The following FCSK variants were observed in gnomAD, a reference collection of about 807,000 sequenced individuals.
FCSK encodes L-fucose kinase.
A neutral mutation model predicts 122.5 loss-of-function variants in FCSK; 123 were observed. The observed-to-expected ratio is 1.00, with a 90% CI of 0.87 to 1.17. The LOEUF is 1.17. Among genes scored for constraint, FCSK ranks in the 50% most tolerant of loss-of-function variants. The pLI, the probability that FCSK is intolerant of heterozygous loss-of-function variation, is 0.00. For synonymous variants in FCSK, 620 were observed against 625.5 expected, an observed-to-expected ratio of 0.99 and a Z score of 0.13; for missense variants, 1,366 against 1,450.4, an observed-to-expected ratio of 0.94 and a Z score of 0.95.
At chr16:70,461,980 C>T (rs1380950970) in intron 1 of FCSK, among the ~76,000 whole-genome samples, 2 of 152,174 alleles carry the variant, frequency 1.3e-5, no homozygotes, top group East Asian at 1.9e-4. Context: ...AGATGCTCTT[C>T]AGTGGGTAAA....
rs774725554 is a variant in FCSK at position 70,468,863 on chromosome 16, C to G, written c.678C>G (p.Val226=). The G allele has an allele frequency of 1.2e-6, 2 of 1,614,078 alleles. No individual in the cohort carries two copies. Among genetic ancestry groups the G allele is most frequent in the Non-Finnish European group, 1.7e-6 (2 of 1,179,988 alleles). The change falls in exon 9 of 24, where the codon GTC becomes GTG. Residue 226 remains valine (V), a synonymous_variant. Coordinates refer to ENST00000288078, the MANE Select transcript of FCSK (RefSeq NM_145059.3). ...DGRVPLVSGV[V]FFSVETAERL... ...GTCCCTTCCAGGTCTCTGGGGTTGT[C>G]TTCTTCTCTGTGGAGACTGCCGAGC... is the stretch of plus-strand genomic sequence containing the variant.
chr16:70,463,779 G>GTGC lies in FCSK; in HGVS notation c.234+7_234+9dup. Reference sequence around the variant, plus strand: ...AGTGCCCGGGCAGGCTTCACTGTGAGTGCTCACCAGGGCCACCTCCCTGGT... The same window carrying GTGC: ...AGTGCCCGGGCAGGCTTCACTGTGAGTGCTGCTCACCAGGGCCACCTCCCTGGT... On this transcript the variant is annotated splice_donor_region_variant and intron_variant, in intron 3 of 23. Transcript: ENST00000288078. The GTGC allele has an allele frequency of 1.2e-6, 2 of 1,604,166 alleles. No homozygotes were observed. The highest frequency in any genetic ancestry group is 2.2e-5 in the South Asian group (2 of 90,116).
chr16:70,463,526 A>G (rs1597608341), intron 2 of FCSK, 97 bp from the exon 3 acceptor site: 1 of 1,499,248 alleles, frequency 6.7e-7, no homozygotes, highest in South Asian at 1.2e-5. Flanking sequence ...AGCTAAGTCA[A>G]GGAAGATCAA....
chr16:70,467,012 G>C, intron 6 of FCSK, 58 bp downstream of exon 6: 1 of 1,519,360 alleles, frequency 6.6e-7, no homozygotes, highest in Non-Finnish European at 9.1e-7. Context: ...CAAGAAGCCA[G>C]CTCTGCCCTT....
At chr16:70,466,438 AT>A in intron 5 of FCSK, 181 bp downstream of exon 5, 1 of 720,406 alleles carries the variant, frequency 1.4e-6, no homozygotes, top group Non-Finnish European at 2.2e-6. Flanking sequence ...CATGCCTATA[AT>A]TTCAGCACTT....
intron 3 of FCSK, among the ~76,000 whole-genome samples, chr16:70,464,699 C>CA (rs774838734): frequency 0.085 from 4,505 of 52,748 alleles, 385 homozygotes; most frequent in African/African-American, 0.17. Flanking sequence ...GACTGCATCT[C>CA]AAAAAAAAAA....
Position 70,475,706 on chromosome 16 carries a change from G to C in FCSK, c.2580G>C (p.Arg860=). Residue 860 remains arginine, a synonymous_variant, in exon 20 of 24, where the codon CGG becomes CGC. Coordinates refer to ENST00000288078, the MANE Select transcript of FCSK (RefSeq NM_145059.3). Reference sequence around the variant, plus strand: ...CTGCCTTGCAGCGAGCCGCAGGCCGGGTGGTGGGCACGGAAGCCCTGATCC... The same window carrying C: ...CTGCCTTGCAGCGAGCCGCAGGCCGCGTGGTGGGCACGGAAGCCCTGATCC... ...ALAALQRAAG[R]VVGTEALIHA... is the part of the protein sequence containing the mutation. 1 of 1,603,092 alleles carries C rather than the reference G, an allele frequency of 6.2e-7. No homozygotes were observed. The highest frequency in any genetic ancestry group is 8.5e-7 in the Non-Finnish European group (1 of 1,175,276).
intron 6 of FCSK, 111 bp from the exon 7 acceptor site, chr16:70,467,263 C>G: frequency 1.4e-6 from 1 of 716,784 alleles, no homozygotes; most frequent in Non-Finnish European, 2.3e-6. Context: ...CCGTATTTCC[C>G]TTTTAGAGGT....
chr16:70,472,277 A>G (rs573737499), intron 13 of FCSK, among the ~76,000 whole-genome samples: 2 of 152,198 alleles, frequency 1.3e-5, no homozygotes, highest in Admixed American at 6.5e-5. Flanking sequence ...GCTGAAAACA[A>G]TTTCAGAAAT....
Position 70,473,292 on chromosome 16 carries a change from G to T in FCSK, c.1716G>T (p.Pro572=). The part of the protein sequence containing the change: ...LEARQDLSLR[P]LIWAAVREGC... Reference sequence around the variant, plus strand: ...CCCGGCAGGACCTCAGCCTGCGCCCGCTGATCTGGGCTGCTGTCCGCGAGG... The same window carrying T: ...CCCGGCAGGACCTCAGCCTGCGCCCTCTGATCTGGGCTGCTGTCCGCGAGG... The change falls in exon 15 of 24, where the codon CCG becomes CCT. Residue 572 remains proline, a synonymous_variant. Transcript: ENST00000288078. The surrounding 1 kb of genome is among the most constrained non-coding windows in gnomAD (Gnocchi z 4.9). 1.3e-6 allele frequency: 2 copies of T among 1,526,848 alleles called. No homozygotes were observed. 94.6% of individuals were successfully genotyped at this position (1,526,848 alleles called of 1,614,324 possible). A position where few individuals can be genotyped will look rare whatever the true frequency, so the allele number is the denominator to read the frequency against.
chr16:70,473,462 G>C lies in FCSK; in HGVS notation c.1777+109G>C. 1 of 1,278,736 alleles carries C rather than the reference G, an allele frequency of 7.8e-7. No homozygotes were observed. Among genetic ancestry groups the C allele is most frequent in the South Asian group, 1.6e-5 (1 of 62,098 alleles). The allele number at this position is 1,278,736 out of a possible 1,614,324, so 79.2% of individuals were successfully genotyped here. ...TAGGGGACCATGAGGTGCTCAAGCAGGGAAGGGGCATGCTGGAGTTTACTT... is the reference window on the plus strand; with the variant it reads ...TAGGGGACCATGAGGTGCTCAAGCACGGAAGGGGCATGCTGGAGTTTACTT... On this transcript the variant is annotated intron_variant, in intron 15 of 23. Transcript: ENST00000288078. The surrounding 1 kb of genome is among the most constrained non-coding windows in gnomAD (Gnocchi z 4.9).
Position 70,475,782 on chromosome 16 carries a change from T to C in FCSK, c.2641+15T>C. On this transcript the variant is annotated intron_variant, in intron 20 of 23. Transcript: ENST00000288078. ...GCTCACCACTGGTATGTGACTGCCC[T>C]GGAGTTGGAGGAGGTCACTGACACT... 1 of 1,548,904 alleles carries C rather than the reference T, an allele frequency of 6.5e-7. No individual in the cohort carries two copies. The highest frequency in any genetic ancestry group is 8.7e-7 in the Non-Finnish European group (1 of 1,146,594).
intron 1 of FCSK, among the ~76,000 whole-genome samples, chr16:70,456,255 C>A (rs2048092368): frequency 6.6e-6 from 1 of 152,184 alleles, no homozygotes; most frequent in African/African-American, 2.4e-5. Context: ...ACTTTTGCAC[C>A]AACCTAATAG....
intron 10 of FCSK, 103 bp downstream of exon 10, chr16:70,469,426 G>T: frequency 2.7e-6 from 3 of 1,121,474 alleles, no homozygotes; most frequent in Non-Finnish European, 3.7e-6. Flanking sequence ...CCCAGCACAG[G>T]GACTGGGCAG....
chr16:70,479,648 A>C lies in FCSK; in HGVS notation c.3223A>C (p.Thr1075Pro). 6.2e-7 allele frequency: 1 copy of C among 1,614,036 alleles called. No individual in the cohort carries two copies. The highest frequency in any genetic ancestry group is 8.5e-7 in the Non-Finnish European group (1 of 1,179,964). The change falls in exon 24 of 24, where the codon ACC becomes CCC. Residue 1075 changes from threonine (T) to proline (P), a missense_variant. Thr to Pro is a conservative substitution (Grantham distance 38, BLOSUM62 -1). Transcript: ENST00000288078. ...GGGCCTGAGCCTGAAGCTGCTGGGG[A>C]CCGAGGCCTCAACCTGTTGCCCTTT... is the stretch of plus-strand genomic sequence containing the variant. ...TQGLSLKLLG[T>P]EASTCCPFP is the part of the protein sequence containing the mutation.
At position 70,470,304 on chromosome 16, in the gene FCSK, G is replaced by T; in HGVS notation, c.956-10G>T. ...GCATGGGGTTGGGTTCAGTACTTAT[G>T]TCTTTACAGCCTATGTCTCCAGCGG... On this transcript the variant is annotated splice_polypyrimidine_tract_variant and intron_variant, in intron 10 of 23. Transcript: ENST00000288078. 1 of 1,601,262 alleles carries T rather than the reference G, an allele frequency of 6.2e-7. No individual in the cohort carries two copies.
chr16:70,463,319 C>A, intron 2 of FCSK, 47 bp downstream of exon 2: 6 of 1,519,794 alleles, frequency 3.9e-6, no homozygotes, highest in Non-Finnish European at 5.5e-6. Context: ...GAACCTCCCT[C>A]CCCTTCCTGG....
At chr16:70,458,440 G>A (rs1380617716) in intron 1 of FCSK, among the ~76,000 whole-genome samples, 2 of 150,638 alleles carry the variant, frequency 1.3e-5, no homozygotes, top group Non-Finnish European at 3.0e-5. Context: ...GATTATAGGC[G>A]TGAGCCACCA....
intron 1 of FCSK, among the ~76,000 whole-genome samples, chr16:70,459,068 A>G: frequency 6.6e-6 from 1 of 151,914 alleles, no homozygotes; most frequent in East Asian, 1.9e-4. Context: ...ACAAACAGTG[A>G]AAACCTTAGC....
Sources: allele counts gnomAD v4.1 joint callset (sites outside exome capture counted in the v4.1 genomes callset), GRCh38; gene constraint gnomAD v4.1.1; non-coding constraint Gnocchi (gnomAD v3.1); transcripts MANE v1.5; gene names NCBI Gene and HGNC (gene_info 2026-07-23, HGNC 2026-07-21).